Variants in AREG observed in about 807,000 individuals in gnomAD.
AREG encodes amphiregulin.
Under a neutral mutation model 28.0 loss-of-function variants are expected in AREG, and 16 were observed. That is an observed-to-expected ratio of 0.57 (90% CI 0.39 to 0.87). The LOEUF (loss-of-function observed/expected upper bound fraction) is 0.87. AREG is among the 40% of genes least tolerant of loss of function. AREG has a pLI of 0.00. For synonymous variants in AREG, 113 were observed against 113.5 expected (o/e 1.00, Z 0.02); for missense variants, 287 against 309.1 (o/e 0.93, Z 0.53).
intron 5 of AREG, among the ~76,000 whole-genome samples, chr4:74,454,030 A>G (rs562813220): frequency 2.0e-5 from 3 of 152,274 alleles, no homozygotes; most frequent in Admixed American, 6.5e-5. Context: ...TACACTCCAG[A>G]TGGTTCTGAT....
intron 2 of AREG, chr4:74,448,802 A>G (rs1719332735): frequency 2.2e-6 from 1 of 457,314 alleles, no homozygotes; most frequent in Non-Finnish European, 3.8e-6. Flanking sequence ...AGTTTTTTCC[A>G]CCTGCAAGTA....
At chr4:74,447,752 C>A (rs1249341365) in intron 2 of AREG, among the ~76,000 whole-genome samples, 1 of 152,136 alleles carries the variant, frequency 6.6e-6, no homozygotes, top group East Asian at 1.9e-4. Context: ...GAAGGGACAT[C>A]AAGTGGTACC....
intron 2 of AREG, 120 bp from the exon 3 acceptor site, chr4:74,448,927 A>C: frequency 7.3e-7 from 1 of 1,377,702 alleles, no homozygotes; most frequent in Non-Finnish European, 1.0e-6. Context: ...TGTGTTAGGT[A>C]ATGAGGCACG....
At chr4:74,454,026 C>T (rs1422818042) in intron 5 of AREG, among the ~76,000 whole-genome samples, 2 of 152,048 alleles carry the variant, frequency 1.3e-5, no homozygotes, top group Non-Finnish European at 2.9e-5. Flanking sequence ...AATGTACACT[C>T]CAGATGGTTC....
intron 3 of AREG, among the ~76,000 whole-genome samples, 183 bp downstream of exon 3, chr4:74,449,431 G>T (rs915449269): frequency 6.6e-6 from 1 of 152,124 alleles, no homozygotes; most frequent in African/African-American, 2.4e-5. Flanking sequence ...CTTAAACAAC[G>T]AATTAAAGTG....
Position 74,454,768 on chromosome 4 carries a change from T to C in AREG, c.*28T>C, listed in dbSNP as rs928663018. On this transcript the variant is annotated 3_prime_UTR_variant, in exon 6 of 6. Coordinates refer to ENST00000395748, the MANE Select transcript of AREG (RefSeq NM_001657.4). Reference sequence around the variant, plus strand: ...TTTTATTTTCTCACAGGATATCACATTGGAGTCACTGCCAAGTCATAGCCA... The same window carrying C: ...TTTTATTTTCTCACAGGATATCACACTGGAGTCACTGCCAAGTCATAGCCA... 5.7e-6 allele frequency: 4 copies of C among 697,854 alleles called. No homozygotes were observed. The highest frequency in any genetic ancestry group is 4.0e-5 in the Admixed American group (2 of 49,802). The allele number at this position is 697,854 out of a possible 1,614,324, so 43.2% of individuals were successfully genotyped here.
At chr4:74,451,789 A>G (rs1159095706) in intron 4 of AREG, among the ~76,000 whole-genome samples, 2 of 152,126 alleles carry the variant, frequency 1.3e-5, no homozygotes, top group African/African-American at 2.4e-5. Flanking sequence ...TTTGGGAAAG[A>G]ATGGATAGAT....
intron 2 of AREG, among the ~76,000 whole-genome samples, chr4:74,448,002 A>G (rs1719319657): frequency 6.6e-6 from 1 of 152,368 alleles, no homozygotes; most frequent in Non-Finnish European, 1.5e-5. Context: ...AATGATGACT[A>G]GTGCTCAAAA....
At position 74,452,602 on chromosome 4, in the gene AREG, C is replaced by G. The variant is rs1283640826; in HGVS notation, c.724C>G (p.Arg242Gly). The G allele has an allele frequency of 6.2e-7, 1 of 1,613,112 alleles. No homozygotes were observed. Among genetic ancestry groups the G allele is most frequent in the Non-Finnish European group, 8.5e-7 (1 of 1,179,602 alleles). The change falls in exon 5 of 6, where the codon CGA (arginine) becomes GGA (glycine). Residue 242 changes from arginine (R) to glycine (G), a missense_variant. By Grantham distance (125) the Arg-to-Gly change is moderately radical. Coordinates refer to ENST00000395748, the MANE Select transcript of AREG (RefSeq NM_001657.4). The stretch of plus-strand genomic sequence containing the variant: ...AGAAGCTGAGGAACGAAAGAAACTT[C>G]GACAAGAGAATGGAAATGTACATGC... ...EGEAEERKKLRQENGNVHAIA is the reference protein window; with the variant it reads ...EGEAEERKKLGQENGNVHAIA
At chr4:74,450,303 T>C (rs1719360985) in intron 3 of AREG, 77 bp from the exon 4 acceptor site, 2 of 1,610,666 alleles carry the variant, frequency 1.2e-6, no homozygotes, top group Non-Finnish European at 8.5e-7. Context: ...TAAATGGTTC[T>C]TTATGATCTG....
intron 4 of AREG, among the ~76,000 whole-genome samples, chr4:74,451,105 A>C (rs1719374355): frequency 6.6e-6 from 1 of 152,228 alleles, no homozygotes; most frequent in Admixed American, 6.5e-5. Context: ...TCAATTATTA[A>C]AAATAAATTT....
Position 74,445,340 on chromosome 4 carries a change from G to A in AREG, c.-6G>A, listed in dbSNP as rs930477516. On this transcript the variant is annotated 5_prime_UTR_variant, in exon 1 of 6. Coordinates refer to ENST00000395748, the MANE Select transcript of AREG (RefSeq NM_001657.4). ...GAGACCGAGACGCCGCCGCTGCGAA[G>A]GACCAATGAGAGCCCCGCTGCTACC... 5 of 1,610,184 alleles carry A rather than the reference G, an allele frequency of 3.1e-6. No individual in the cohort carries two copies. The highest frequency in any genetic ancestry group is 2.2e-5 in the East Asian group (1 of 44,832).
intron 5 of AREG, among the ~76,000 whole-genome samples, chr4:74,454,345 T>TTGGG (rs1315026188): frequency 2.6e-5 from 4 of 152,242 alleles, no homozygotes; most frequent in African/African-American, 9.6e-5. Flanking sequence ...GTAGTTACTA[T>TTGGG]TATTATGCCC....
At chr4:74,445,696 G>A (rs1399706048) in intron 1 of AREG, among the ~76,000 whole-genome samples, 1 of 152,184 alleles carries the variant, frequency 6.6e-6, no homozygotes, top group Non-Finnish European at 1.5e-5. Flanking sequence ...AGATTAAAAA[G>A]ACCAAGATCT....
Position 74,449,107 on chromosome 4 carries a change from C to A in AREG, c.371C>A (p.Pro124His). The change falls in exon 3 of 6, where the codon CCC becomes CAC. Residue 124 changes from proline to histidine, a missense_variant. Pro to His is a moderately conservative substitution (Grantham distance 77). Coordinates refer to ENST00000395748, the MANE Select transcript of AREG (RefSeq NM_001657.4). ...KTESENTSDK[P>H]KRKKKGGKNG... is the part of the protein sequence containing the mutation. ...GAAAGTGAAAATACTTCAGATAAAC[C>A]CAAAAGAAAGAAAAAGGGAGGCAAA... The A allele has an allele frequency of 6.2e-7, 1 of 1,610,302 alleles. No homozygotes were observed.
At chr4:74,452,027 G>A (rs2110412862) in intron 4 of AREG, among the ~76,000 whole-genome samples, 1 of 152,100 alleles carries the variant, frequency 6.6e-6, no homozygotes, top group Admixed American at 6.5e-5. Context: ...TAACAACAGG[G>A]GGTTTTTATA....
chr4:74,449,223 G>C lies in AREG; in HGVS notation c.487G>C (p.Glu163Gln), dbSNP rs1431094780. The change falls in exon 3 of 6, where the codon GAG (glutamate) becomes CAG (glutamine). Residue 163 changes from glutamate to glutamine, a missense_variant. By Grantham distance (29) the Glu-to-Gln change is conservative. Transcript: ENST00000395748. ...FCIHGECKYIEHLEAVTCKCQ... is the reference protein window; with the variant it reads ...FCIHGECKYIQHLEAVTCKCQ... ...CATTCACGGAGAATGCAAATATATA[G>C]AGCACCTGGAAGCAGTAACATGCAA... 17 of 1,613,234 alleles carry C rather than the reference G, an allele frequency of 1.1e-5. No homozygotes were observed. Among genetic ancestry groups the C allele is most frequent in the Middle Eastern group, 1.6e-4 (1 of 6,078 alleles).
chr4:74,454,660 T>C (rs941008623), intron 5 of AREG, 99 bp from the exon 6 acceptor site: 29 of 560,376 alleles, frequency 5.2e-5, no homozygotes, highest in Non-Finnish European at 8.7e-5. Flanking sequence ...TTCTGATTCC[T>C]GATTATGCTT....
intron 4 of AREG, among the ~76,000 whole-genome samples, chr4:74,451,163 T>C (rs1421019080): frequency 6.6e-6 from 1 of 152,248 alleles, no homozygotes; most frequent in Non-Finnish European, 1.5e-5. Context: ...TATTACTGTT[T>C]CACTCCAGCG....
Sources: gnomAD v4.1 joint callset for allele counts (sites outside exome capture counted in the v4.1 genomes callset) on GRCh38, gnomAD v4.1.1 for gene constraint, MANE v1.5 for transcripts, NCBI Gene and HGNC (gene_info 2026-07-23, HGNC 2026-07-21) for gene names.